The following CLSTN1 variants were observed in gnomAD, a reference collection of about 807,000 sequenced individuals.
The protein encoded by CLSTN1 is calsyntenin-1.
A neutral mutation model predicts 108.3 loss-of-function variants in CLSTN1; 28 were observed. That is an observed-to-expected ratio of 0.26 (90% confidence interval 0.19 to 0.35). The LOEUF (loss-of-function observed/expected upper bound fraction) is 0.35, where lower values mean the gene tolerates loss of function less well. Among genes scored for constraint, CLSTN1 ranks in the 10% least tolerant of loss-of-function variants. CLSTN1 has a pLI of 1.00. For missense variants in CLSTN1, 1,157 were observed against 1,302.6 expected, an observed-to-expected ratio of 0.89 and a Z score of 1.72; for synonymous variants, 524 against 534.9, an observed-to-expected ratio of 0.98 and a Z score of 0.28.
intron 5 of CLSTN1, 59 bp downstream of exon 5, chr1:9,751,414 G>A (rs1163762547): frequency 9.1e-6 from 14 of 1,539,242 alleles, no homozygotes; most frequent in Non-Finnish European, 5.4e-6. Flanking sequence ...GGGGTGTAAA[G>A]TCAGTGGGGT....
intron 9 of CLSTN1, among the ~76,000 whole-genome samples, chr1:9,743,239 C>T (rs1570442418): frequency 6.6e-6 from 1 of 152,130 alleles, no homozygotes; most frequent in East Asian, 1.9e-4. Flanking sequence ...GGGTTTTTCA[C>T]AGGATATTTG....
chr1:9,760,633 C>T (rs1226730768), intron 2 of CLSTN1, among the ~76,000 whole-genome samples: 1 of 151,672 alleles, frequency 6.6e-6, no homozygotes, highest in East Asian at 1.9e-4. Flanking sequence ...GATTCTCCCA[C>T]CTCAGCCTCC....
intron 1 of CLSTN1, among the ~76,000 whole-genome samples, chr1:9,796,683 CA>C (rs989791576): frequency 6.6e-6 from 1 of 151,002 alleles, no homozygotes; most frequent in Non-Finnish European, 1.5e-5. Flanking sequence ...GACTCCGCCT[CA>C]AAAAAAAGAA....
intron 1 of CLSTN1, among the ~76,000 whole-genome samples, chr1:9,786,680 T>A (rs1380877662): frequency 4.3e-5 from 5 of 115,938 alleles, no homozygotes; most frequent in Non-Finnish European, 8.6e-5. Context: ...AAAACAAAGG[T>A]GAGAGCTGTT....
At chr1:9,737,949 C>A (rs1650779567) in intron 10 of CLSTN1, among the ~76,000 whole-genome samples, 1 of 152,216 alleles carries the variant, frequency 6.6e-6, no homozygotes, top group Admixed American at 6.5e-5. Flanking sequence ...AAGTTCCGGA[C>A]CAACAGCACC....
chr1:9,737,260 G>C (rs970644561), intron 11 of CLSTN1, among the ~76,000 whole-genome samples: 1 of 16,450 alleles, frequency 6.1e-5, no homozygotes, highest in Admixed American at 5.7e-4. Context: ...AAACTGGATG[G>C]GGGGGGAAGT....
intron 2 of CLSTN1, among the ~76,000 whole-genome samples, chr1:9,763,993 C>A (rs1271368313): frequency 6.6e-6 from 1 of 152,130 alleles, no homozygotes; most frequent in Non-Finnish European, 1.5e-5. Flanking sequence ...CTTCTGATGG[C>A]TGGAAAGTTC....
chr1:9,798,514 A>C (rs1241880440), intron 1 of CLSTN1, among the ~76,000 whole-genome samples: 3 of 152,222 alleles, frequency 2.0e-5, no homozygotes, highest in African/African-American at 7.2e-5. Context: ...TGATTCCCCC[A>C]CTTATATGAA....
Position 9,815,406 on chromosome 1 carries a change from A to G in CLSTN1, c.91+8237T>C, listed in dbSNP as rs377692965. Among the ~76,000 whole-genome samples the G allele has an allele frequency of 9.6e-4, 146 of 152,368 alleles. 1 individual carries two copies. The Middle Eastern group carries it at 0.01, about 11-fold the overall frequency. Reference sequence around the variant, plus strand: ...GAACTTTCAAAGTTCCTTTCAACTCAAAGTCTAAAGTCCAGAGTAGAAATT... The same window carrying G: ...GAACTTTCAAAGTTCCTTTCAACTCGAAGTCTAAAGTCCAGAGTAGAAATT... On this transcript the variant is annotated intron_variant, in intron 1 of 18. Transcript: ENST00000377298.
chr1:9,816,595 T>C (rs1271465547), intron 1 of CLSTN1, among the ~76,000 whole-genome samples: 2 of 149,694 alleles, frequency 1.3e-5, no homozygotes, highest in East Asian at 3.9e-4. Flanking sequence ...GTTTGTTTGT[T>C]TGAGACAAAG....
chr1:9,741,129 A>G lies in CLSTN1; in HGVS notation c.1484T>C (p.Ile495Thr), dbSNP rs373410826. The G allele has an allele frequency of 6.7e-5, 108 of 1,614,008 alleles. No individual in the cohort carries two copies. Among genetic ancestry groups the G allele is most frequent in the Admixed American group, 1.0e-4 (6 of 59,990 alleles). Residue 495 changes from isoleucine to threonine, a missense_variant, in exon 10 of 19, where the codon ATA becomes ACA. Physicochemically the swap from Ile to Thr is moderately conservative, Grantham distance 89. Coordinates refer to ENST00000377298, the MANE Select transcript of CLSTN1 (RefSeq NM_001009566.3). ...TEDYPLHPSK[I>T]ETQLVVGACW... ...AGCCCCCACCACGAGCTGAGTTTCTATCTTGGATGGATGGAGCGGGTAATC... is the reference window on the plus strand; with the variant it reads ...AGCCCCCACCACGAGCTGAGTTTCTGTCTTGGATGGATGGAGCGGGTAATC...
At chr1:9,815,944 A>C (rs188106495) in intron 1 of CLSTN1, among the ~76,000 whole-genome samples, 1 of 152,046 alleles carries the variant, frequency 6.6e-6, no homozygotes, top group Non-Finnish European at 1.5e-5. Flanking sequence ...TCAAAAAAAA[A>C]TTTTTTTAAT....
chr1:9,750,406 T>C (rs1467192029), intron 5 of CLSTN1, among the ~76,000 whole-genome samples: 1 of 152,116 alleles, frequency 6.6e-6, no homozygotes, highest in African/African-American at 2.4e-5. Flanking sequence ...TTCTAGACCG[T>C]GCATTGATTA....
chr1:9,818,962 A>T (rs1329550778), intron 1 of CLSTN1, among the ~76,000 whole-genome samples: 2 of 147,292 alleles, frequency 1.4e-5, no homozygotes, highest in Non-Finnish European at 3.0e-5. Flanking sequence ...AATTTTTTGT[A>T]TTTTTTTTTA....
intron 2 of CLSTN1, among the ~76,000 whole-genome samples, chr1:9,763,988 G>C (rs1570465246): frequency 6.6e-6 from 1 of 152,138 alleles, no homozygotes; most frequent in African/African-American, 2.4e-5. Flanking sequence ...TCACACTTCT[G>C]ATGGCTGGAA....
At chr1:9,756,103 A>C (rs1441887754) in intron 3 of CLSTN1, among the ~76,000 whole-genome samples, 1 of 152,238 alleles carries the variant, frequency 6.6e-6, no homozygotes, top group Non-Finnish European at 1.5e-5. Flanking sequence ...ATTCTTGTCC[A>C]TGGGAGAACA....
intron 1 of CLSTN1, among the ~76,000 whole-genome samples, chr1:9,794,714 T>C (rs78126506): frequency 0.01 from 1,528 of 151,596 alleles, 52 homozygotes; most frequent in East Asian, 0.047. Context: ...TCAGAAAATA[T>C]GGGCTAGGTC....
intron 1 of CLSTN1, among the ~76,000 whole-genome samples, chr1:9,796,045 TG>T (rs1268549733): frequency 6.7e-6 from 1 of 150,030 alleles, no homozygotes; most frequent in Non-Finnish European, 1.5e-5. Flanking sequence ...CCGGATCACT[TG>T]AAGTCAGGAG....
At chr1:9,762,448 G>A (rs1415827112) in intron 2 of CLSTN1, among the ~76,000 whole-genome samples, 24 of 147,306 alleles carry the variant, frequency 1.6e-4, no homozygotes, top group Non-Finnish European at 2.5e-4. Flanking sequence ...GCGACAGAGC[G>A]AGACTCTGTC....
Sources: gnomAD v4.1 joint callset for allele counts (sites outside exome capture counted in the v4.1 genomes callset) on GRCh38, gnomAD v4.1.1 for gene constraint, MANE v1.5 for transcripts, NCBI Gene and HGNC (gene_info 2026-07-23, HGNC 2026-07-21) for gene names.